Variants in BCAS3 observed in about 807,000 individuals in gnomAD.
BCAS3 encodes BCAS3 microtubule associated cell migration factor.
A neutral mutation model predicts 116.1 loss-of-function variants in BCAS3; 53 were observed. The ratio of observed to expected loss-of-function variants is 0.46; its 90% confidence interval spans 0.37 to 0.57. The LOEUF (loss-of-function observed/expected upper bound fraction) is 0.57. Among genes scored for constraint, BCAS3 ranks in the 20% least tolerant of loss-of-function variants. The pLI is 0.00. For missense variants in BCAS3, 917 were observed against 1,165.4 expected (o/e 0.79, Z 3.10); for synonymous variants, 391 against 408.2 (o/e 0.96, Z 0.51).
At chr17:60,970,098 T>A (rs7224937) in intron 14 of BCAS3, among the ~76,000 whole-genome samples, 5,240 of 152,270 alleles carry the variant, frequency 0.034, 302 homozygotes, top group African/African-American at 0.12. Flanking sequence ...TTTTAAAAAT[T>A]TGTGTCTAAT....
In BCAS3 at chr17:60,964,119, T is replaced by C. The variant is rs1034687852; in HGVS notation, c.1221+16767T>C. Among the ~76,000 whole-genome samples the C allele has an allele frequency of 2.0e-4, 30 of 152,330 alleles. No individual in the cohort carries two copies. The highest frequency in any genetic ancestry group is 7.2e-4 in the African/African-American group (30 of 41,580). ...GACATACTCGTCTTGTTCCAGTCTT[T>C]AGAGGAAAGGCCTTCATTTTTTCCC... is the stretch of plus-strand genomic sequence containing the variant. On this transcript the variant is annotated intron_variant, in intron 14 of 23. Transcript: ENST00000407086. The surrounding 1 kb of genome is among the most constrained non-coding windows in gnomAD (Gnocchi z 4.6).
intron 14 of BCAS3, among the ~76,000 whole-genome samples, chr17:60,965,514 C>T (rs893211105): frequency 2.0e-5 from 3 of 152,108 alleles, no homozygotes; most frequent in Non-Finnish European, 4.4e-5. Context: ...AGCCACCACG[C>T]CCGGCCTATA....
At chr17:60,932,833 A>G (rs930797590) in intron 13 of BCAS3, among the ~76,000 whole-genome samples, 2 of 151,916 alleles carry the variant, frequency 1.3e-5, no homozygotes, top group African/African-American at 2.4e-5. Context: ...ATGCAGATAC[A>G]TATCACAGAT....
chr17:61,350,295 A>G (rs2057750783), intron 22 of BCAS3, among the ~76,000 whole-genome samples: 1 of 151,974 alleles, frequency 6.6e-6, no homozygotes, highest in Non-Finnish European at 1.5e-5. Context: ...CACACCTGTA[A>G]TCCCAGCTAC....
At chr17:61,320,119 C>T (rs981517049) in intron 22 of BCAS3, among the ~76,000 whole-genome samples, 4 of 151,536 alleles carry the variant, frequency 2.6e-5, no homozygotes, top group African/African-American at 9.7e-5. Flanking sequence ...CGAAGTCCTG[C>T]CCTCAGGTGA....
intron 22 of BCAS3, among the ~76,000 whole-genome samples, chr17:61,319,535 T>C (rs2055020168): frequency 1.3e-5 from 2 of 152,102 alleles, no homozygotes; most frequent in South Asian, 2.1e-4. Context: ...ATCATATTTT[T>C]ATACATTTGC....
chr17:60,848,981 C>T (rs968033955), intron 7 of BCAS3, among the ~76,000 whole-genome samples: 25 of 152,042 alleles, frequency 1.6e-4, no homozygotes, highest in Admixed American at 1.3e-4. Flanking sequence ...GCCAGAGATG[C>T]AAAACGAGAG....
chr17:61,167,868 T>TTTTC (rs2078609432), intron 22 of BCAS3, among the ~76,000 whole-genome samples: 1 of 152,218 alleles, frequency 6.6e-6, no homozygotes, highest in African/African-American at 2.4e-5. Context: ...TTCGTAGCTA[T>TTTTC]TTTCTTTTTC....
Position 61,105,660 on chromosome 17 carries a change from C to CA in BCAS3, c.2425+21097dup, listed in dbSNP as rs1297503880. On this transcript the variant is annotated intron_variant, in intron 22 of 23. Transcript: ENST00000407086. This position sits in a 1 kb window ranked among gnomAD's most constrained non-coding sequence, Gnocchi z 4.3. Reference sequence around the variant, plus strand: ...CAGGCTGGTCTCGAACTCCCCACCTCAGGTGATCCACCTGCCTCGGCCTCC... The same window carrying CA: ...CAGGCTGGTCTCGAACTCCCCACCTCAAGGTGATCCACCTGCCTCGGCCTCC... Among the ~76,000 whole-genome samples, 1 of 152,102 alleles carries CA rather than the reference C, an allele frequency of 6.6e-6. No individual in the cohort carries two copies. The highest frequency in any genetic ancestry group is 1.5e-5 in the Non-Finnish European group (1 of 68,004).
In BCAS3 at chr17:61,026,352, A is replaced by G. The variant is rs1298123896; in HGVS notation, c.1638-8314A>G. 6.6e-6 allele frequency among the ~76,000 whole-genome samples: 1 copy of G among 152,048 alleles called. No homozygotes were observed. Among genetic ancestry groups the G allele is most frequent in the Non-Finnish European group, 1.5e-5 (1 of 67,934 alleles). ...TTTTTCCTTTGACCAACAATATACAATTCAACTTACGACAAATAAGCAGCT... is the reference window on the plus strand; with the variant it reads ...TTTTTCCTTTGACCAACAATATACAGTTCAACTTACGACAAATAAGCAGCT... On this transcript the variant is annotated intron_variant, in intron 16 of 23. Transcript: ENST00000407086. The surrounding 1 kb of genome is among the most constrained non-coding windows in gnomAD (Gnocchi z 5.0).
At chr17:61,231,048 C>T (rs895188542) in intron 22 of BCAS3, among the ~76,000 whole-genome samples, 4 of 151,178 alleles carry the variant, frequency 2.6e-5, no homozygotes, top group African/African-American at 9.7e-5. Context: ...CAATCCTCCT[C>T]CCACCTTGGC....
chr17:60,789,905 G>A (rs1011394964), intron 6 of BCAS3, among the ~76,000 whole-genome samples: 6 of 152,036 alleles, frequency 3.9e-5, no homozygotes, highest in African/African-American at 1.2e-4. Context: ...TTATTTAAAT[G>A]AAAATTAAGA....
At chr17:60,832,116 C>T (rs904856901) in intron 7 of BCAS3, among the ~76,000 whole-genome samples, 1 of 151,978 alleles carries the variant, frequency 6.6e-6, no homozygotes, top group South Asian at 2.1e-4. Context: ...CAATTGGTGC[C>T]GTTTTAAATT....
chr17:61,338,691 C>T lies in BCAS3; in HGVS notation c.2426-29636C>T, dbSNP rs367591776. On this transcript the variant is annotated intron_variant, in intron 22 of 23. Transcript: ENST00000407086. Reference sequence around the variant, plus strand: ...GGCTGTCCCAGGGGTGGGAGGCTGCCCATCACTGTTGGATCTGGCAGTGCA... The same window carrying T: ...GGCTGTCCCAGGGGTGGGAGGCTGCTCATCACTGTTGGATCTGGCAGTGCA... Among the ~76,000 whole-genome samples the T allele has an allele frequency of 4.8e-3, 726 of 152,124 alleles. 1 individual carries two copies. The highest frequency in any genetic ancestry group is 0.015 in the African/African-American group (641 of 41,508).
intron 6 of BCAS3, among the ~76,000 whole-genome samples, chr17:60,801,319 T>C (rs577570645): frequency 6.6e-6 from 1 of 152,316 alleles, no homozygotes; most frequent in East Asian, 1.9e-4. Flanking sequence ...CATGATAGTA[T>C]ATACTTTTGT....
intron 21 of BCAS3, among the ~76,000 whole-genome samples, chr17:61,081,540 C>T (rs1269090557): frequency 6.6e-6 from 1 of 152,168 alleles, no homozygotes; most frequent in Non-Finnish European, 1.5e-5. Flanking sequence ...TTACAGGACA[C>T]ATATAACCTT....
At chr17:60,818,310 C>G (rs947746719) in intron 7 of BCAS3, among the ~76,000 whole-genome samples, 5 of 152,134 alleles carry the variant, frequency 3.3e-5, no homozygotes, top group African/African-American at 1.2e-4. Flanking sequence ...GGCAGAAGTT[C>G]ATGGAGTGGT....
intron 14 of BCAS3, among the ~76,000 whole-genome samples, chr17:60,977,606 C>G (rs989202942): frequency 1.3e-5 from 2 of 151,530 alleles, no homozygotes; most frequent in African/African-American, 4.9e-5. Context: ...CACCCACTAA[C>G]TCGTCATCTA....
intron 16 of BCAS3, among the ~76,000 whole-genome samples, chr17:61,024,086 G>T (rs2066057987): frequency 6.6e-6 from 1 of 152,104 alleles, no homozygotes; most frequent in Non-Finnish European, 1.5e-5. Flanking sequence ...TTTTGGGAGG[G>T]GAGAGTGAAG....
Sources: gnomAD v4.1 joint callset for allele counts (sites outside exome capture counted in the v4.1 genomes callset) on GRCh38, gnomAD v4.1.1 for gene constraint, Gnocchi (gnomAD v3.1) non-coding constraint, MANE v1.5 for transcripts, NCBI Gene and HGNC (gene_info 2026-07-23, HGNC 2026-07-21) for gene names.